ACAP2: variants seen among roughly 807,000 people sequenced by gnomAD.
ACAP2 encodes the protein ArfGAP with coiled-coil, ankyrin repeat and PH domains 2, also known as arf-GAP with coiled-coil, ANK repeat and PH domain-containing protein 2.
A neutral mutation model predicts 115.8 loss-of-function variants in ACAP2; 39 were observed. That is an observed-to-expected ratio of 0.34 (90% CI 0.26 to 0.44). ACAP2 has a LOEUF of 0.44. Among genes scored for constraint, ACAP2 ranks in the 20% least tolerant of loss-of-function variants. The pLI is 1.00. For missense variants in ACAP2, 662 were observed against 927.6 expected, an observed-to-expected ratio of 0.71 and a Z score of 3.72; for synonymous variants, 289 against 315.8, an observed-to-expected ratio of 0.92 and a Z score of 0.90.
chr3:195,360,930 T>G (rs972730154), intron 4 of ACAP2, among the ~76,000 whole-genome samples: 7 of 143,184 alleles, frequency 4.9e-5, no homozygotes, highest in Non-Finnish European at 9.0e-5. Context: ...AGCACATGAA[T>G]CATTCTTAAG....
intron 1 of ACAP2, among the ~76,000 whole-genome samples, chr3:195,429,719 TTTC>T (rs1242243703): frequency 6.6e-6 from 1 of 152,180 alleles, no homozygotes; most frequent in African/African-American, 2.4e-5. Flanking sequence ...TACTTTTTAA[TTTC>T]TTTTCTTTGG....
chr3:195,412,576 A>C (rs1327403997), intron 1 of ACAP2, among the ~76,000 whole-genome samples: 1 of 152,116 alleles, frequency 6.6e-6, no homozygotes, highest in African/African-American at 2.4e-5. Context: ...GGCACACTGC[A>C]CTCCAGCCTG....
intron 4 of ACAP2, among the ~76,000 whole-genome samples, chr3:195,372,161 A>C (rs1489130744): frequency 6.6e-5 from 10 of 152,180 alleles, no homozygotes; most frequent in Non-Finnish European, 1.5e-4. Context: ...CTACAGCCAG[A>C]ATGCTGCATA....
intron 20 of ACAP2, among the ~76,000 whole-genome samples, chr3:195,291,169 C>T (rs147658174): frequency 2.0e-5 from 3 of 152,306 alleles, no homozygotes; most frequent in African/African-American, 7.2e-5. Flanking sequence ...TTCATGTATA[C>T]TTCCTAATAA....
At chr3:195,370,396 T>G (rs1226895974) in intron 4 of ACAP2, among the ~76,000 whole-genome samples, 1 of 152,198 alleles carries the variant, frequency 6.6e-6, no homozygotes, top group Non-Finnish European at 1.5e-5. Flanking sequence ...GAGTCTTTAA[T>G]CCATCTTGAG....
intron 2 of ACAP2, among the ~76,000 whole-genome samples, chr3:195,391,224 C>CTTTT (rs200717304): frequency 0.049 from 4,309 of 88,160 alleles, 147 homozygotes; most frequent in East Asian, 0.31. Context: ...AAAAGCTTCT[C>CTTTT]TTTCTTTTTT....
At chr3:195,405,369 T>C (rs1712667128) in intron 1 of ACAP2, among the ~76,000 whole-genome samples, 1 of 152,298 alleles carries the variant, frequency 6.6e-6, no homozygotes, top group East Asian at 1.9e-4. Flanking sequence ...GATGATGTAT[T>C]GGTCTGTTCT....
chr3:195,436,572 A>G (rs988628341), intron 1 of ACAP2, among the ~76,000 whole-genome samples: 1 of 152,194 alleles, frequency 6.6e-6, no homozygotes, highest in African/African-American at 2.4e-5. Flanking sequence ...CCTTAAATCT[A>G]AAGTATGTCT....
chr3:195,412,276 T>G (rs1370822058), intron 1 of ACAP2, among the ~76,000 whole-genome samples: 2 of 151,464 alleles, frequency 1.3e-5, no homozygotes, highest in Non-Finnish European at 2.9e-5. Context: ...GTGGCATAAT[T>G]TGTTGCTCAG....
intron 20 of ACAP2, among the ~76,000 whole-genome samples, chr3:195,290,597 G>A (rs2108919693): frequency 6.6e-6 from 1 of 151,966 alleles, no homozygotes; most frequent in South Asian, 2.1e-4. Flanking sequence ...GATCACCTGA[G>A]GTCAGGAGTT....
chr3:195,442,555 C>T (rs1164886832), intron 1 of ACAP2, among the ~76,000 whole-genome samples: 2 of 152,122 alleles, frequency 1.3e-5, no homozygotes, highest in African/African-American at 2.4e-5. Flanking sequence ...CGCTCCGCCC[C>T]GGCAGAGGGC....
At chr3:195,399,807 T>C (rs904339731) in intron 1 of ACAP2, among the ~76,000 whole-genome samples, 2 of 152,018 alleles carry the variant, frequency 1.3e-5, no homozygotes, top group African/African-American at 4.8e-5. Flanking sequence ...ATAACTCAGA[T>C]ATCAACAACC....
intron 18 of ACAP2, 134 bp from the exon 19 acceptor site, chr3:195,292,586 T>C (rs1333554234): frequency 1.2e-6 from 1 of 800,328 alleles, no homozygotes; most frequent in Non-Finnish European, 1.9e-6. Flanking sequence ...GATAGCACAC[T>C]AATGGGAATA....
intron 1 of ACAP2, among the ~76,000 whole-genome samples, chr3:195,438,155 A>C (rs1231331034): frequency 6.6e-6 from 1 of 151,078 alleles, no homozygotes; most frequent in East Asian, 2.0e-4. Context: ...CCTCCCGAGT[A>C]GCTGGGATTA....
At chr3:195,393,761 A>G (rs1166116725) in intron 1 of ACAP2, among the ~76,000 whole-genome samples, 2 of 152,206 alleles carry the variant, frequency 1.3e-5, no homozygotes, top group Admixed American at 1.3e-4. Context: ...CTAGATGTGC[A>G]GCAATAGGAA....
At chr3:195,412,190 A>AAAAAAAAT (rs1713327902) in intron 1 of ACAP2, among the ~76,000 whole-genome samples, 1 of 142,530 alleles carries the variant, frequency 7.0e-6, no homozygotes, top group Non-Finnish European at 1.5e-5. Flanking sequence ...AAAAAAAAAA[A>AAAAAAAAT]GAATTGGCTT....
chr3:195,424,244 G>T lies in ACAP2; in HGVS notation c.53+18551C>A, dbSNP rs6786670. Among the ~76,000 whole-genome samples, 283 of 69,466 alleles carry T rather than the reference G, an allele frequency of 4.1e-3. 3 individuals are homozygous for T. The highest frequency in any genetic ancestry group is 0.011 in the African/African-American group (186 of 16,626). 45.6% of individuals were successfully genotyped at this position (69,466 alleles called of 152,430 possible). A position where few individuals can be genotyped will look rare whatever the true frequency, so the allele number is the denominator to read the frequency against. ...GTCATATGTGTGTGTGTGTGTGTGT[G>T]GTGTGTGTGTGTGTGTGTATATATA... On this transcript the variant is annotated intron_variant, in intron 1 of 22. Coordinates refer to ENST00000326793, the MANE Select transcript of ACAP2 (RefSeq NM_012287.6).
chr3:195,327,637 A>T (rs1729880372), intron 8 of ACAP2, among the ~76,000 whole-genome samples: 1 of 152,146 alleles, frequency 6.6e-6, no homozygotes, highest in African/African-American at 2.4e-5. Flanking sequence ...AACTTAATAA[A>T]ACCATAAAAC....
At chr3:195,313,330 T>C (rs947824345) in intron 10 of ACAP2, among the ~76,000 whole-genome samples, 36 of 152,214 alleles carry the variant, frequency 2.4e-4, no homozygotes, top group Admixed American at 2.6e-4. Flanking sequence ...AAAATATAGA[T>C]AGCACCTCGC....
Sources: gnomAD v4.1 joint callset for allele counts (sites outside exome capture counted in the v4.1 genomes callset) on GRCh38, gnomAD v4.1.1 for gene constraint, MANE v1.5 for transcripts, NCBI Gene and HGNC (gene_info 2026-07-23, HGNC 2026-07-21) for gene names.